Variants in PRKD1 observed in about 807,000 individuals in gnomAD.
The protein encoded by PRKD1 is protein kinase D1, also known as serine/threonine-protein kinase D1.
PRKD1 carries 63 observed loss-of-function variants against 95.9 expected under a neutral mutation model. The ratio of observed to expected loss-of-function variants is 0.66; its 90% confidence interval spans 0.54 to 0.81. PRKD1 has a LOEUF of 0.81. Ranked by LOEUF, PRKD1 falls within the 30% of genes least tolerant of loss-of-function variation. The pLI is 0.00. For synonymous variants in PRKD1, 425 were observed against 423.1 expected (o/e 1.00, Z -0.05); for missense variants, 1,048 against 1,165.3 (o/e 0.90, Z 1.47).
Position 29,638,457 on chromosome 14 carries a change from A to C in PRKD1, c.985+32T>G, listed in dbSNP as rs750517602. The stretch of plus-strand genomic sequence containing the variant: ...TCACCACACTCTCTAATATGGAAGA[A>C]GCACAGACATGACAGCTGATCTTTT... On this transcript the variant is annotated intron_variant, in intron 6 of 17. Coordinates refer to ENST00000331968, the MANE Select transcript of PRKD1 (RefSeq NM_002742.3). The C allele has an allele frequency of 8.7e-6, 14 of 1,608,908 alleles. No individual in the cohort carries two copies. In the South Asian group the frequency reaches 1.2e-4, roughly 14 times the overall value.
intron 1 of PRKD1, among the ~76,000 whole-genome samples, chr14:29,777,693 TG>T (rs1888834151): frequency 6.6e-6 from 1 of 152,132 alleles, no homozygotes; most frequent in Non-Finnish European, 1.5e-5. Context: ...ACAGTAATAA[TG>T]GGAGACTTTA....
chr14:29,854,192 C>T (rs1892414436), intron 1 of PRKD1, among the ~76,000 whole-genome samples: 1 of 152,116 alleles, frequency 6.6e-6, no homozygotes, highest in African/African-American at 2.4e-5. Flanking sequence ...GGGTAACAGA[C>T]AGGGCTTGAA....
At chr14:29,847,939 A>G (rs1295983449) in intron 1 of PRKD1, among the ~76,000 whole-genome samples, 1 of 152,148 alleles carries the variant, frequency 6.6e-6, no homozygotes, top group Non-Finnish European at 1.5e-5. Flanking sequence ...CAAGAAGCAT[A>G]GGAATTGTCT....
At chr14:29,718,186 A>G (rs559258172) in intron 2 of PRKD1, among the ~76,000 whole-genome samples, 35 of 152,252 alleles carry the variant, frequency 2.3e-4, no homozygotes, top group Non-Finnish European at 3.8e-4. Flanking sequence ...CTTATCTTGA[A>G]TTGTAATCCC....
intron 1 of PRKD1, among the ~76,000 whole-genome samples, chr14:29,903,799 T>C (rs1164886564): frequency 6.6e-6 from 1 of 152,224 alleles, no homozygotes; most frequent in Non-Finnish European, 1.5e-5. Flanking sequence ...GTATAGGAAG[T>C]CCATCATTTA....
intron 1 of PRKD1, among the ~76,000 whole-genome samples, chr14:29,735,290 T>C (rs1269924181): frequency 1.3e-5 from 2 of 152,220 alleles, no homozygotes; most frequent in Non-Finnish European, 2.9e-5. Context: ...TGAATTATCA[T>C]ATAACTCTCA....
chr14:29,666,798 T>C (rs1309235410), intron 2 of PRKD1, among the ~76,000 whole-genome samples: 3 of 152,050 alleles, frequency 2.0e-5, no homozygotes, highest in Non-Finnish European at 4.4e-5. Flanking sequence ...AAGCAGCCAC[T>C]TCACCAACAT....
intron 1 of PRKD1, among the ~76,000 whole-genome samples, chr14:29,871,748 C>T (rs1893116522): frequency 6.6e-6 from 1 of 152,150 alleles, no homozygotes; most frequent in Admixed American, 6.5e-5. Context: ...AGTGCTCTTA[C>T]CCTGCTTCAT....
At chr14:29,766,006 A>G (rs1020787688) in intron 1 of PRKD1, among the ~76,000 whole-genome samples, 4 of 152,102 alleles carry the variant, frequency 2.6e-5, no homozygotes, top group Non-Finnish European at 4.4e-5. Flanking sequence ...AGCTTTGTAG[A>G]CTTTCCTGGG....
chr14:29,880,050 T>C (rs55848399), intron 1 of PRKD1, among the ~76,000 whole-genome samples: 44,333 of 152,028 alleles, frequency 0.29, 6,564 homozygotes, highest in East Asian at 0.35. Context: ...GAAAAACCCA[T>C]TTTCTGAGAA....
At chr14:29,642,415 G>A (rs1449926941) in intron 4 of PRKD1, among the ~76,000 whole-genome samples, 1 of 151,958 alleles carries the variant, frequency 6.6e-6, no homozygotes, top group Non-Finnish European at 1.5e-5. Flanking sequence ...CTACAGAGCA[G>A]GCAAAAATTC....
chr14:29,676,085 TTGTGCACA>T (rs1883176987), intron 2 of PRKD1, among the ~76,000 whole-genome samples: 1 of 151,684 alleles, frequency 6.6e-6, no homozygotes, highest in Non-Finnish European at 1.5e-5. Flanking sequence ...AACCTGCACG[TTGTGCACA>T]TGTACCCTAG....
At chr14:29,628,427 A>G (rs1879767242) in intron 11 of PRKD1, among the ~76,000 whole-genome samples, 2 of 152,206 alleles carry the variant, frequency 1.3e-5, no homozygotes, top group Non-Finnish European at 2.9e-5. Context: ...ATAACAAATA[A>G]AGCAAACATT....
rs573831437 is a variant in PRKD1, at chr14:29,840,102, G to A, written c.264+87147C>T. ...TTTCTTTTCTATCACATTGTCAGGC[G>A]GCAAATTTTCAAACTTCTATACTCT... On this transcript the variant is annotated intron_variant, in intron 1 of 17. Coordinates refer to ENST00000331968, the MANE Select transcript of PRKD1 (RefSeq NM_002742.3). 1.2e-4 allele frequency among the ~76,000 whole-genome samples: 19 copies of A among 152,106 alleles called. No individual in the cohort carries two copies. The South Asian group carries it at 1.7e-3, about 13-fold the overall frequency.
In PRKD1 at chr14:29,826,626, CATAT is replaced by C. The variant is rs574503244; in HGVS notation, c.264+100619_264+100622del. On this transcript the variant is annotated intron_variant, in intron 1 of 17. Transcript: ENST00000331968. ...ACATATATACATACATATACACACACATATATATGTGTGTGTGTATATATATGTG... is the reference window on the plus strand; with the variant it reads ...ACATATATACATACATATACACACACATATGTGTGTGTGTATATATATGTG... 5.6e-4 allele frequency among the ~76,000 whole-genome samples: 66 copies of C among 117,432 alleles called. 1 individual carries two copies. Among genetic ancestry groups the C allele is most frequent in the African/African-American group, 2.1e-3 (63 of 29,882 alleles). 77.0% of individuals were successfully genotyped at this position (117,432 alleles called of 152,430 possible).
intron 1 of PRKD1, among the ~76,000 whole-genome samples, chr14:29,923,871 G>A (rs1186077336): frequency 1.3e-5 from 2 of 149,554 alleles, no homozygotes; most frequent in Non-Finnish European, 3.0e-5. Flanking sequence ...ATAAGTAGAT[G>A]ATGTACTATG....
At chr14:29,614,768 G>A (rs1162218102) in intron 13 of PRKD1, among the ~76,000 whole-genome samples, 2 of 151,216 alleles carry the variant, frequency 1.3e-5, no homozygotes, top group African/African-American at 2.4e-5. Context: ...GCACGATCTC[G>A]GCTCACTGCA....
Position 29,675,445 on chromosome 14 carries a change from G to T in PRKD1, c.404-9237C>A, listed in dbSNP as rs538089859. ...TCTGACAACCACTAATTTATTTTCT[G>T]TCCCTTATCTAATGTATCATAGACA... On this transcript the variant is annotated intron_variant, in intron 2 of 17. Coordinates refer to ENST00000331968, the MANE Select transcript of PRKD1 (RefSeq NM_002742.3). Among the ~76,000 whole-genome samples, 61 of 152,168 alleles carry T rather than the reference G, an allele frequency of 4.0e-4. 1 individual carries two copies. Among genetic ancestry groups the T allele is most frequent in the Middle Eastern group, 6.8e-3 (2 of 294 alleles).
At chr14:29,601,375 C>A (rs924269037) in intron 13 of PRKD1, among the ~76,000 whole-genome samples, 2 of 152,168 alleles carry the variant, frequency 1.3e-5, no homozygotes, top group Admixed American at 6.5e-5. Flanking sequence ...TGCCTTGGGT[C>A]AAATCATACA....
Sources: allele counts gnomAD v4.1 joint callset (sites outside exome capture counted in the v4.1 genomes callset), GRCh38; gene constraint gnomAD v4.1.1; transcripts MANE v1.5; gene names NCBI Gene and HGNC (gene_info 2026-07-23, HGNC 2026-07-21).